MTA3: variants seen among roughly 807,000 people sequenced by gnomAD.
The protein encoded by MTA3 is metastasis-associated protein MTA3.
In MTA3, 34 loss-of-function variants were observed where a neutral mutation model predicts 83.5. The observed-to-expected ratio is 0.41, with a 90% CI of 0.31 to 0.54. The LOEUF is 0.54. MTA3 is among the 20% of genes least tolerant of loss of function. The pLI, the probability that MTA3 is intolerant of heterozygous loss-of-function variation, is 0.33. For synonymous variants in MTA3, 303 were observed against 252.7 expected, an observed-to-expected ratio of 1.20 and a Z score of -1.89; for missense variants, 761 against 726.4, an observed-to-expected ratio of 1.05 and a Z score of -0.55.
At chr2:42,635,800 T>C (rs1172781547) in intron 4 of MTA3, among the ~76,000 whole-genome samples, 1 of 152,108 alleles carries the variant, frequency 6.6e-6, no homozygotes, top group African/African-American at 2.4e-5. Flanking sequence ...AGAATTTCAC[T>C]CTGTCACCCA....
rs192239505 is a variant in MTA3, at chr2:42,705,633, G to T, written c.1150+1315G>T. 1.8e-4 allele frequency among the ~76,000 whole-genome samples: 27 copies of T among 152,310 alleles called. 1 individual carries two copies. Among genetic ancestry groups the T allele is most frequent in the Admixed American group, 1.6e-3 (25 of 15,294 alleles). ...AGGCAGGAGAATAGCTTGAACCCAG[G>T]AGGCAGAGGTTGCAGTGAGCTGAGA... On this transcript the variant is annotated intron_variant, in intron 12 of 16. Transcript: ENST00000405094.
At chr2:42,524,470 G>GTGTTT (rs1675577190) in intron 2 of MTA3, among the ~76,000 whole-genome samples, 4 of 95,998 alleles carry the variant, frequency 4.2e-5, no homozygotes, top group African/African-American at 1.3e-4. Context: ...CTGGCTAGTT[G>GTGTTT]TGTTTTTTTT....
At chr2:42,584,017 A>G (rs2047308) in intron 3 of MTA3, among the ~76,000 whole-genome samples, 115,338 of 151,608 alleles carry the variant, frequency 0.76, 44,172 homozygotes, top group South Asian at 0.88. Context: ...CTAATTTTAT[A>G]TTTTTAGTAG....
chr2:42,682,191 C>A (rs1691994762), intron 8 of MTA3, among the ~76,000 whole-genome samples: 1 of 151,970 alleles, frequency 6.6e-6, no homozygotes, highest in South Asian at 2.1e-4. Flanking sequence ...CCTGTGCTCC[C>A]CTCCCCCCAA....
chr2:42,542,206 G>T (rs145113767), intron 2 of MTA3, among the ~76,000 whole-genome samples: 1 of 152,342 alleles, frequency 6.6e-6, no homozygotes, highest in East Asian at 1.9e-4. Context: ...CCGTACGCCA[G>T]TCAGCTAGGG....
chr2:42,530,305 T>C lies in MTA3; in HGVS notation c.-141+35051T>C, dbSNP rs1675901293. 3.3e-5 allele frequency among the ~76,000 whole-genome samples: 5 copies of C among 151,564 alleles called. No individual in the cohort carries two copies. The South Asian group carries it at 1.0e-3, about 32-fold the overall frequency. ...GAGATTGAGACCGTCCTGGCTAACA[T>C]GGTGAAACCGTCTCTACTAAAAATA... On this transcript the variant is annotated intron_variant, in intron 2 of 17. Coordinates refer to the MTA3 transcript ENST00000405592.
intron 9 of MTA3, among the ~76,000 whole-genome samples, chr2:42,684,227 A>G (rs899442189): frequency 6.6e-6 from 1 of 152,314 alleles, no homozygotes; most frequent in Non-Finnish European, 1.5e-5. Flanking sequence ...ATAGCTTTCT[A>G]TGAAGTCATC....
intron 14 of MTA3, among the ~76,000 whole-genome samples, chr2:42,712,070 C>T (rs1666666417): frequency 6.6e-6 from 1 of 152,096 alleles, no homozygotes; most frequent in African/African-American, 2.4e-5. Flanking sequence ...GCCACGGCAG[C>T]ACCATCACAA....
chr2:42,525,116 C>T (rs940673262), intron 2 of MTA3, among the ~76,000 whole-genome samples: 31 of 147,536 alleles, frequency 2.1e-4, no homozygotes, highest in African/African-American at 7.1e-4. Flanking sequence ...CCCTCCCCCA[C>T]CTGTGGGTCT....
intron 2 of MTA3, among the ~76,000 whole-genome samples, chr2:42,528,962 CTTTG>C (rs566525483): frequency 3.2e-4 from 49 of 152,248 alleles, no homozygotes; most frequent in African/African-American, 1.2e-3. Context: ...ATTTGGTTAC[CTTTG>C]TTTGGCAAAA....
At chr2:42,670,181 C>A (rs1338652256) in intron 8 of MTA3, among the ~76,000 whole-genome samples, 3 of 152,058 alleles carry the variant, frequency 2.0e-5, no homozygotes, top group Non-Finnish European at 4.4e-5. Flanking sequence ...ATCGCTTGAA[C>A]CCAGGAGGTG....
At chr2:42,751,647 C>G (rs1279681252) in intron 16 of MTA3, among the ~76,000 whole-genome samples, 1 of 152,178 alleles carries the variant, frequency 6.6e-6, no homozygotes, top group Non-Finnish European at 1.5e-5. Flanking sequence ...GCACCAGAAC[C>G]TGAGATGCTA....
intron 2 of MTA3, among the ~76,000 whole-genome samples, chr2:42,531,881 C>G (rs1401853579): frequency 2.6e-5 from 4 of 152,054 alleles, no homozygotes; most frequent in South Asian, 2.1e-4. Context: ...CTCAGCCTCC[C>G]GAGTAGCTGG....
chr2:42,596,332 A>G (rs879601587), intron 3 of MTA3, among the ~76,000 whole-genome samples: 1 of 152,208 alleles, frequency 6.6e-6, no homozygotes, highest in Non-Finnish European at 1.5e-5. Context: ...GCCAGCTGTT[A>G]CCCCTTGATT....
intron 3 of MTA3, among the ~76,000 whole-genome samples, chr2:42,600,185 G>A (rs915527620): frequency 6.6e-6 from 1 of 152,034 alleles, no homozygotes; most frequent in Non-Finnish European, 1.5e-5. Context: ...GCAACAGAGC[G>A]AGACTCTGTC....
At chr2:42,608,709 G>A (rs1036717033) in intron 3 of MTA3, among the ~76,000 whole-genome samples, 4 of 151,948 alleles carry the variant, frequency 2.6e-5, no homozygotes, top group Non-Finnish European at 4.4e-5. Flanking sequence ...ATGGTGTAAC[G>A]CTGTCTCTAC....
Position 42,570,418 on chromosome 2 carries a change from G to A in MTA3, c.29-19G>A, listed in dbSNP as rs1051848600. 6.9e-6 allele frequency: 10 copies of A among 1,456,370 alleles called. No individual in the cohort carries two copies. The African/African-American group carries it at 7.1e-5, about 10-fold the overall frequency. The allele number at this position is 1,456,370 out of a possible 1,614,324, so 90.2% of individuals were successfully genotyped here. On this transcript the variant is annotated intron_variant, in intron 1 of 16. Coordinates refer to ENST00000405094, the MANE Select transcript of MTA3 (RefSeq NM_001330442.2). ...CTTTCTGTTAAAAAGATTAAGTTCT[G>A]TACTTCCTTTAATTACAGATTATGT...
intron 2 of MTA3, among the ~76,000 whole-genome samples, chr2:42,548,775 C>A (rs185071164): frequency 8.4e-6 from 1 of 119,432 alleles, no homozygotes; most frequent in Non-Finnish European, 1.7e-5. Context: ...GGCACTGCAG[C>A]CTGGGTGACA....
chr2:42,642,436 G>A (rs1195872966), intron 5 of MTA3, among the ~76,000 whole-genome samples: 3 of 151,868 alleles, frequency 2.0e-5, no homozygotes, highest in African/African-American at 7.3e-5. Flanking sequence ...CAGGAGGATT[G>A]CTTGAGCCCA....
Sources: allele counts gnomAD v4.1 joint callset (sites outside exome capture counted in the v4.1 genomes callset), GRCh38; gene constraint gnomAD v4.1.1; transcripts MANE v1.5; gene names NCBI Gene and HGNC (gene_info 2026-07-23, HGNC 2026-07-21).